Variants in HMCN1 observed in about 807,000 individuals in gnomAD.
The protein encoded by HMCN1 is hemicentin-1.
HMCN1 carries 321 observed loss-of-function variants against 625.9 expected under a neutral mutation model. The ratio of observed to expected loss-of-function variants is 0.51; its 90% CI spans 0.47 to 0.56. The LOEUF is 0.56. Among genes scored for constraint, HMCN1 ranks in the 20% least tolerant of loss-of-function variants. The pLI, the probability that HMCN1 is intolerant of heterozygous loss-of-function variation, is 0.00. For synonymous variants in HMCN1, 2,425 were observed against 2,417.6 expected (o/e 1.00, Z -0.09); for missense variants, 6,588 against 6,887.3 (o/e 0.96, Z 1.54).
At chr1:185,832,514 T>C (rs1286731638) in intron 1 of HMCN1, among the ~76,000 whole-genome samples, 1 of 152,094 alleles carries the variant, frequency 6.6e-6, no homozygotes. Flanking sequence ...TGGTTTGTAA[T>C]GTCAATGGAA....
intron 1 of HMCN1, among the ~76,000 whole-genome samples, chr1:185,777,641 G>A (rs975454007): frequency 9.9e-5 from 15 of 152,096 alleles, no homozygotes; most frequent in South Asian, 6.2e-4. Context: ...TAGTAGAGAC[G>A]GTGTTTCACC....
chr1:185,774,771 A>G (rs1571331769), intron 1 of HMCN1, among the ~76,000 whole-genome samples: 1 of 152,218 alleles, frequency 6.6e-6, no homozygotes, highest in East Asian at 1.9e-4. Flanking sequence ...TGTTGCTGAA[A>G]TTGTTGAGCA....
At chr1:185,955,035 A>G (rs1431197712) in intron 11 of HMCN1, among the ~76,000 whole-genome samples, 7 of 152,118 alleles carry the variant, frequency 4.6e-5, no homozygotes, top group African/African-American at 1.7e-4. Flanking sequence ...TTTTCTGTGC[A>G]TGGTTAGGTC....
At chr1:186,061,264 G>A (rs1657677261) in intron 46 of HMCN1, among the ~76,000 whole-genome samples, 1 of 152,084 alleles carries the variant, frequency 6.6e-6, no homozygotes, top group African/African-American at 2.4e-5. Flanking sequence ...TTAAAATTAT[G>A]GCAGAAGGGG....
intron 97 of HMCN1, among the ~76,000 whole-genome samples, chr1:186,160,164 C>A (rs377112222): frequency 0.3 from 43,729 of 143,952 alleles, 6,379 homozygotes; most frequent in African/African-American, 0.43. Flanking sequence ...TGTATGTGTC[C>A]AGGAATTTAT....
intron 1 of HMCN1, among the ~76,000 whole-genome samples, chr1:185,831,206 C>T (rs1221248076): frequency 6.6e-6 from 1 of 151,932 alleles, no homozygotes; most frequent in East Asian, 1.9e-4. Context: ...GAATAAACAT[C>T]CTGATTAAAG....
At chr1:185,844,262 C>G (rs996264396) in intron 1 of HMCN1, among the ~76,000 whole-genome samples, 1 of 152,118 alleles carries the variant, frequency 6.6e-6, no homozygotes, top group East Asian at 1.9e-4. Context: ...AATGACGGTT[C>G]TGCTTTGTAT....
rs528278813 is a variant in HMCN1 at position 186,021,073 on chromosome 1, A to T, written c.5625+1378A>T. Among the ~76,000 whole-genome samples the T allele has an allele frequency of 5.5e-4, 83 of 152,258 alleles. 2 individuals are homozygous for T. In the South Asian group the frequency reaches 0.017, roughly 31 times the overall value. On this transcript the variant is annotated intron_variant, in intron 35 of 106. Transcript: ENST00000271588. The stretch of plus-strand genomic sequence containing the variant: ...TAGAAACCAATTAGAACCTAGTTAC[A>T]TTTGTCTAGGAGAGAGAAAAGATAG...
intron 68 of HMCN1, among the ~76,000 whole-genome samples, chr1:186,096,394 C>T (rs1208882311): frequency 6.6e-6 from 1 of 152,094 alleles, no homozygotes; most frequent in East Asian, 1.9e-4. Flanking sequence ...ACATTTAATA[C>T]ACTAGAGACT....
chr1:186,107,968 C>T (rs564872802), intron 70 of HMCN1, among the ~76,000 whole-genome samples: 50 of 146,504 alleles, frequency 3.4e-4, no homozygotes, highest in African/African-American at 9.7e-4. Context: ...GACTAGGCAG[C>T]GCAAACTGTC....
At position 186,047,669 on chromosome 1, in the gene HMCN1, A is replaced by G. The variant is rs75744585; in HGVS notation, c.6481-1074A>G. Reference sequence around the variant, plus strand: ...TGCAGGCCTGTGCATACTGACTTTAAGAACTTGGAACCCTAGATCTGAGTG... The same window carrying G: ...TGCAGGCCTGTGCATACTGACTTTAGGAACTTGGAACCCTAGATCTGAGTG... On this transcript the variant is annotated intron_variant, in intron 41 of 106. Coordinates refer to ENST00000271588, the MANE Select transcript of HMCN1 (RefSeq NM_031935.3). Among the ~76,000 whole-genome samples the G allele has an allele frequency of 1.9e-3, 291 of 152,244 alleles. 2 individuals carry two copies. Among genetic ancestry groups the G allele is most frequent in the African/African-American group, 6.8e-3 (282 of 41,570 alleles).
At chr1:186,020,988 T>C (rs1378423896) in intron 35 of HMCN1, among the ~76,000 whole-genome samples, 1 of 152,054 alleles carries the variant, frequency 6.6e-6, no homozygotes, top group Non-Finnish European at 1.5e-5. Context: ...AGGTTTGCAT[T>C]TTAAGTAGTC....
At chr1:185,802,884 G>A (rs985133495) in intron 1 of HMCN1, among the ~76,000 whole-genome samples, 1 of 152,028 alleles carries the variant, frequency 6.6e-6, no homozygotes, top group African/African-American at 2.4e-5. Flanking sequence ...AAGGGGAACA[G>A]GGAGGTGTTT....
chr1:185,832,426 A>G (rs56383996), intron 1 of HMCN1, among the ~76,000 whole-genome samples: 2 of 152,352 alleles, frequency 1.3e-5, no homozygotes, highest in African/African-American at 4.8e-5. Context: ...TTAAGCCTCA[A>G]TTATTAAGAC....
Position 185,752,252 on chromosome 1 carries a change from G to A in HMCN1, c.268+17205G>A, listed in dbSNP as rs140226601. Among the ~76,000 whole-genome samples, 1,226 of 151,980 alleles carry A rather than the reference G, an allele frequency of 8.1e-3. 11 individuals carry two copies. Among genetic ancestry groups the A allele is most frequent in the Non-Finnish European group, 0.01 (705 of 67,948 alleles). On this transcript the variant is annotated intron_variant, in intron 1 of 106. Coordinates refer to ENST00000271588, the MANE Select transcript of HMCN1 (RefSeq NM_031935.3). ...GCAAGCTTTCTTGACAGTTTTTTTG[G>A]GTTAGTGGGAGGAATTTTTCCTTGT...
intron 82 of HMCN1, 22 bp from the exon 83 acceptor site, chr1:186,128,056 A>G (rs1299597959): frequency 3.1e-6 from 5 of 1,602,048 alleles, no homozygotes; most frequent in Non-Finnish European, 3.4e-6. Flanking sequence ...GAAATTTTAA[A>G]TGTTACTTTT....
chr1:185,934,516 G>A (rs939486274), intron 11 of HMCN1, among the ~76,000 whole-genome samples: 4 of 152,156 alleles, frequency 2.6e-5, no homozygotes, highest in Non-Finnish European at 5.9e-5. Context: ...ATGAAATGAC[G>A]ATCAGAAACC....
In HMCN1 at chr1:186,038,806, A is replaced by G. The variant is rs766234084; in HGVS notation, c.5852-23A>G. Reference sequence around the variant, plus strand: ...AATTTAAAAAATTTTTACATAGATCATCTTCTCCCCTTCTTCTTTCAGTTA... The same window carrying G: ...AATTTAAAAAATTTTTACATAGATCGTCTTCTCCCCTTCTTCTTTCAGTTA... On this transcript the variant is annotated intron_variant, in intron 37 of 106. Coordinates refer to ENST00000271588, the MANE Select transcript of HMCN1 (RefSeq NM_031935.3). 18 of 1,520,168 alleles carry G rather than the reference A, an allele frequency of 1.2e-5. No homozygotes were observed. The Admixed American group carries it at 3.0e-4, about 25-fold the overall frequency. The allele number at this position is 1,520,168 out of a possible 1,614,324, so 94.2% of individuals were successfully genotyped here.
At chr1:185,864,677 G>A in intron 3 of HMCN1, 49 bp downstream of exon 3, 2 of 1,554,374 alleles carry the variant, frequency 1.3e-6, no homozygotes, top group Non-Finnish European at 1.8e-6. Context: ...CAGTATGTAA[G>A]AGATTGCCTG....
Sources: gnomAD v4.1 joint callset for allele counts (sites outside exome capture counted in the v4.1 genomes callset) on GRCh38, gnomAD v4.1.1 for gene constraint, MANE v1.5 for transcripts, NCBI Gene and HGNC (gene_info 2026-07-23, HGNC 2026-07-21) for gene names.